The following RCOR3 variants were observed in gnomAD, a reference collection of about 807,000 sequenced individuals.
RCOR3 encodes the protein REST corepressor 3.
In RCOR3, 13 loss-of-function variants were observed where a neutral mutation model predicts 64.1. That is an observed-to-expected ratio of 0.20 (90% CI 0.13 to 0.32). The LOEUF is 0.32. Among genes scored for constraint, RCOR3 ranks in the 10% least tolerant of loss-of-function variants. RCOR3 has a pLI of 1.00. For synonymous variants in RCOR3, 215 were observed against 239.0 expected, an observed-to-expected ratio of 0.90 and a Z score of 0.93; for missense variants, 489 against 701.2, an observed-to-expected ratio of 0.70 and a Z score of 3.42.
intron 2 of RCOR3, among the ~76,000 whole-genome samples, chr1:211,261,771 A>G (rs911083204): frequency 1.3e-5 from 2 of 151,616 alleles, no homozygotes; most frequent in Non-Finnish European, 2.9e-5. Flanking sequence ...AATACAAAAA[A>G]TTAGCCGATC....
chr1:211,267,881 C>T, intron 2 of RCOR3: 1 of 385,346 alleles, frequency 2.6e-6, no homozygotes, highest in Non-Finnish European at 5.1e-6. Flanking sequence ...GTAAGAGCCA[C>T]TGCACCCAGC....
intron 7 of RCOR3, among the ~76,000 whole-genome samples, chr1:211,285,848 A>G (rs1156295199): frequency 1.3e-5 from 2 of 152,142 alleles, no homozygotes. Context: ...AGTTTTTTAT[A>G]TGTTGAAGTT....
intron 3 of RCOR3, 66 bp downstream of exon 3, chr1:211,271,375 AC>A (rs1472398237): frequency 3.8e-6 from 5 of 1,325,592 alleles, no homozygotes; most frequent in Non-Finnish European, 5.4e-6. Context: ...AATATGACTT[AC>A]GTTTGTTTTT....
At chr1:211,279,636 A>C (rs1330803727) in intron 7 of RCOR3, among the ~76,000 whole-genome samples, 1 of 152,198 alleles carries the variant, frequency 6.6e-6, no homozygotes, top group Non-Finnish European at 1.5e-5. Flanking sequence ...AAGCTCTTTC[A>C]TCAATGTTAT....
intron 5 of RCOR3, among the ~76,000 whole-genome samples, chr1:211,276,914 G>A (rs924941995): frequency 4.0e-5 from 6 of 151,792 alleles, no homozygotes; most frequent in Non-Finnish European, 8.8e-5. Flanking sequence ...GTGAAACCCC[G>A]TCTCTACTAA....
At chr1:211,308,667 TTTTTTGTTTTTTTTTTG>T (rs1289671981) in intron 10 of RCOR3, among the ~76,000 whole-genome samples, 2 of 25,456 alleles carry the variant, frequency 7.9e-5, no homozygotes, top group East Asian at 8.8e-4. Context: ...ATGTGTTTTT[TTTTTTGTTTTTTTTTTG>T]TTTTTTTTTT....
intron 8 of RCOR3, 118 bp downstream of exon 8, chr1:211,289,514 GT>G: frequency 1.3e-6 from 1 of 777,196 alleles, no homozygotes; most frequent in Non-Finnish European, 2.1e-6. Context: ...ACTTATGCAG[GT>G]TTCATTTTTT....
rs1350236018 is a variant in RCOR3 at position 211,313,674 on chromosome 1, G to A, written c.1568G>A (p.Arg523His). The change falls in exon 12 of 12, where the codon CGT (arginine) becomes CAT (histidine). Residue 523 changes from arginine to histidine, a missense_variant. Transcript: ENST00000419091. The surrounding 1 kb of genome is among the most constrained non-coding windows in gnomAD (Gnocchi z 4.7). ...LIRPANSMPP[R>H]LNPRPVLSTV... is the part of the protein sequence containing the mutation. ...CGCCCTGCTAATTCCATGCCACCCC[G>A]TCTAAACCCAAGACCGGTGTTGTCC... is the stretch of plus-strand genomic sequence containing the variant. 5.0e-6 allele frequency: 8 copies of A among 1,614,086 alleles called. No individual in the cohort carries two copies. Among genetic ancestry groups the A allele is most frequent in the East Asian group, 2.2e-5 (1 of 44,884 alleles).
At chr1:211,268,223 C>T (rs1354602422) in intron 2 of RCOR3, among the ~76,000 whole-genome samples, 3 of 152,052 alleles carry the variant, frequency 2.0e-5, no homozygotes, top group Non-Finnish European at 4.4e-5. Context: ...GTAAAGGCTT[C>T]TGACCAACTT....
intron 2 of RCOR3, among the ~76,000 whole-genome samples, chr1:211,270,689 C>A (rs183981574): frequency 1.3e-5 from 2 of 152,124 alleles, no homozygotes; most frequent in Admixed American, 6.5e-5. Flanking sequence ...TGAAGAAAGT[C>A]TTTTTTAGTT....
At chr1:211,292,913 G>A (rs889360595) in intron 8 of RCOR3, among the ~76,000 whole-genome samples, 15 of 151,408 alleles carry the variant, frequency 9.9e-5, no homozygotes, top group African/African-American at 3.1e-4. Context: ...GTGAAACCCC[G>A]TCTCTACTAA....
At chr1:211,275,515 G>C (rs1696837786) in intron 4 of RCOR3, among the ~76,000 whole-genome samples, 1 of 152,168 alleles carries the variant, frequency 6.6e-6, no homozygotes, top group Non-Finnish European at 1.5e-5. Context: ...TATTTATAAA[G>C]TTCCTATATC....
intron 3 of RCOR3, among the ~76,000 whole-genome samples, chr1:211,272,742 C>T (rs932709316): frequency 6.8e-6 from 1 of 147,130 alleles, no homozygotes; most frequent in African/African-American, 2.5e-5. Flanking sequence ...CTGCCTCAGC[C>T]TCCCAAGTAG....
intron 2 of RCOR3, chr1:211,261,281 A>C (rs545510219): frequency 6.6e-6 from 1 of 152,326 alleles, no homozygotes; most frequent in East Asian, 1.9e-4. Flanking sequence ...CATTAAGACA[A>C]TGCAAAATGA....
intron 2 of RCOR3, among the ~76,000 whole-genome samples, chr1:211,266,710 T>G (rs527460340): frequency 1.6e-4 from 25 of 152,322 alleles, no homozygotes; most frequent in African/African-American, 5.3e-4. Flanking sequence ...ATTGTTACTG[T>G]TAAAGACAAA....
chr1:211,303,841 TAG>T (rs1384962564), intron 9 of RCOR3: 2 of 324,808 alleles, frequency 6.2e-6, no homozygotes, highest in East Asian at 1.1e-4. Context: ...TATCTCTAAT[TAG>T]AGCATAAATG....
chr1:211,300,938 C>G (rs1018267956), intron 9 of RCOR3, among the ~76,000 whole-genome samples: 1 of 151,882 alleles, frequency 6.6e-6, no homozygotes, highest in Admixed American at 6.6e-5. Context: ...GTGTAAAACA[C>G]TACCCTAAAT....
rs1375729164 is a variant in RCOR3 at position 211,278,204 on chromosome 1, G to T, written c.604G>T (p.Ala202Ser). 2 of 1,613,180 alleles carry T rather than the reference G, an allele frequency of 1.2e-6. No individual in the cohort carries two copies. Among genetic ancestry groups the T allele is most frequent in the Non-Finnish European group, 8.5e-7 (1 of 1,179,760 alleles). Residue 202 changes from alanine to serine, a missense_variant, in exon 6 of 12, where the codon GCT (alanine) becomes TCT (serine). Coordinates refer to ENST00000419091, the MANE Select transcript of RCOR3 (RefSeq NM_001136223.3). ...TAGGACAAGTTTGATGGATCGCCAG[G>T]CTCGTAAACTAGCTAATAGACATAA... ...RSRTSLMDRQARKLANRHNQG... is the reference protein window; with the variant it reads ...RSRTSLMDRQSRKLANRHNQG...
chr1:211,296,172 A>T (rs1286701874), intron 9 of RCOR3, among the ~76,000 whole-genome samples: 2 of 152,150 alleles, frequency 1.3e-5, no homozygotes, highest in Non-Finnish European at 2.9e-5. Flanking sequence ...TTTTATTTTA[A>T]TTTAAGATAA....
Sources: allele counts gnomAD v4.1 joint callset (sites outside exome capture counted in the v4.1 genomes callset), GRCh38; gene constraint gnomAD v4.1.1; non-coding constraint Gnocchi (gnomAD v3.1); transcripts MANE v1.5; gene names NCBI Gene and HGNC (gene_info 2026-07-23, HGNC 2026-07-21).